MACROD2: variants seen among roughly 807,000 people sequenced by gnomAD.
The protein encoded by MACROD2 is ADP-ribose glycohydrolase MACROD2.
MACROD2 carries 36 observed loss-of-function variants against 70.4 expected under a neutral mutation model. The observed-to-expected ratio is 0.51, with a 90% CI of 0.39 to 0.68. The LOEUF (loss-of-function observed/expected upper bound fraction) is 0.68, where lower values mean the gene tolerates loss of function less well. MACROD2 is among the 30% of genes least tolerant of loss of function. MACROD2 has a pLI of 0.00. For synonymous variants in MACROD2, 172 were observed against 178.8 expected (o/e 0.96, Z 0.30); for missense variants, 496 against 538.4 (o/e 0.92, Z 0.78).
intron 5 of MACROD2, among the ~76,000 whole-genome samples, chr20:15,180,379 A>T (rs2145901335): frequency 6.6e-6 from 1 of 152,388 alleles, no homozygotes. Context: ...CAAGCTAATT[A>T]TGGTGCCTGT....
At chr20:14,996,173 C>T (rs968947936) in intron 5 of MACROD2, among the ~76,000 whole-genome samples, 2 of 152,158 alleles carry the variant, frequency 1.3e-5, no homozygotes, top group Non-Finnish European at 2.9e-5. Context: ...ACTTGTACTA[C>T]TAAATATCAA....
intron 5 of MACROD2, among the ~76,000 whole-genome samples, chr20:14,917,227 C>T (rs545163899): frequency 6.6e-5 from 10 of 150,506 alleles, no homozygotes; most frequent in African/African-American, 1.2e-4. Flanking sequence ...CCCCTCCCAG[C>T]GGAGGCCTGA....
intron 6 of MACROD2, among the ~76,000 whole-genome samples, chr20:15,353,625 A>G (rs2078253126): frequency 6.6e-6 from 1 of 151,816 alleles, no homozygotes; most frequent in Non-Finnish European, 1.5e-5. Flanking sequence ...GCTAATATCC[A>G]GAATCTACAA....
chr20:15,124,003 CTTAGA>C lies in MACROD2; in HGVS notation c.419-105935_419-105931del, dbSNP rs1357910368. ...TGAAACGTAAAAAAAAGATTTGTAACTTAGATATTTCCATGACTATATTCATTCTA... is the reference window on the plus strand; with the variant it reads ...TGAAACGTAAAAAAAAGATTTGTAACTATTTCCATGACTATATTCATTCTA... On this transcript the variant is annotated intron_variant, in intron 5 of 17. Coordinates refer to ENST00000684519, the MANE Select transcript of MACROD2 (RefSeq NM_001351661.2). Among the ~76,000 whole-genome samples, 5 of 152,232 alleles carry C rather than the reference CTTAGA, an allele frequency of 3.3e-5. No individual in the cohort carries two copies. In the South Asian group the frequency reaches 1.0e-3, roughly 32 times the overall value.
At chr20:15,458,102 TA>T (rs2046754377) in intron 7 of MACROD2, among the ~76,000 whole-genome samples, 1 of 152,174 alleles carries the variant, frequency 6.6e-6, no homozygotes, top group Non-Finnish European at 1.5e-5. Flanking sequence ...TTTCCCCCAG[TA>T]AAAGGAACTT....
Position 14,217,063 on chromosome 20 carries a change from G to C in MACROD2, c.271+131335G>C, listed in dbSNP as rs181366822. Reference sequence around the variant, plus strand: ...ACTATGTTGAAGAGGAGTGGTGAGAGTGGGCATCCTTGTGTTGTTCCAGTT... The same window carrying C: ...ACTATGTTGAAGAGGAGTGGTGAGACTGGGCATCCTTGTGTTGTTCCAGTT... On this transcript the variant is annotated intron_variant, in intron 3 of 17. Transcript: ENST00000684519. Among the ~76,000 whole-genome samples, 12 of 152,262 alleles carry C rather than the reference G, an allele frequency of 7.9e-5. No individual in the cohort carries two copies. In the East Asian group the frequency reaches 2.3e-3, roughly 29 times the overall value.
At chr20:14,267,248 C>T (rs191122296) in intron 3 of MACROD2, among the ~76,000 whole-genome samples, 17 of 152,024 alleles carry the variant, frequency 1.1e-4, no homozygotes, top group Admixed American at 2.0e-4. Context: ...ATTCATATCC[C>T]AAAAGTCACT....
intron 6 of MACROD2, among the ~76,000 whole-genome samples, chr20:15,404,012 A>G (rs1568781282): frequency 6.6e-6 from 1 of 152,182 alleles, no homozygotes; most frequent in Non-Finnish European, 1.5e-5. Context: ...TCAAATAGGC[A>G]TGTCTTATAT....
intron 3 of MACROD2, among the ~76,000 whole-genome samples, chr20:14,367,310 C>T (rs1258811837): frequency 6.6e-6 from 1 of 152,140 alleles, no homozygotes; most frequent in African/African-American, 2.4e-5. Context: ...AGAAGAGATA[C>T]AAACAAAAAT....
chr20:14,105,380 C>T (rs984278381), intron 3 of MACROD2, among the ~76,000 whole-genome samples: 7 of 152,192 alleles, frequency 4.6e-5, no homozygotes, highest in Admixed American at 6.5e-5. Context: ...GTAAACTCAG[C>T]GCTGCCTTGT....
intron 6 of MACROD2, among the ~76,000 whole-genome samples, chr20:15,241,299 GC>G (rs2077057568): frequency 6.6e-6 from 1 of 152,096 alleles, no homozygotes; most frequent in Non-Finnish European, 1.5e-5. Context: ...AGATATAGCT[GC>G]CCTTGTGGAG....
At chr20:14,950,240 G>A (rs577797833) in intron 5 of MACROD2, among the ~76,000 whole-genome samples, 59 of 152,204 alleles carry the variant, frequency 3.9e-4, no homozygotes, top group Non-Finnish European at 7.9e-4. Context: ...CTACTAGAAT[G>A]GTTCATCCTG....
intron 8 of MACROD2, among the ~76,000 whole-genome samples, chr20:15,721,111 T>C (rs578178182): frequency 7.9e-5 from 12 of 152,252 alleles, no homozygotes; most frequent in Middle Eastern, 3.4e-3. Flanking sequence ...AACCTACACA[T>C]GGGTGGGCAG....
At chr20:15,769,948 T>C (rs539061116) in intron 8 of MACROD2, among the ~76,000 whole-genome samples, 13 of 152,128 alleles carry the variant, frequency 8.5e-5, no homozygotes, top group Admixed American at 3.9e-4. Context: ...CTTAAACTAT[T>C]AAAGTTCCCA....
chr20:15,983,528 C>T (rs557897427), intron 13 of MACROD2, among the ~76,000 whole-genome samples: 1 of 152,140 alleles, frequency 6.6e-6, no homozygotes, highest in Non-Finnish European at 1.5e-5. Context: ...TAAGTCTCCT[C>T]CTTGCTGTGA....
intron 4 of MACROD2, among the ~76,000 whole-genome samples, chr20:14,590,231 G>A (rs543701778): frequency 6.6e-6 from 1 of 152,126 alleles, no homozygotes; most frequent in African/African-American, 2.4e-5. Context: ...ATATGAACTG[G>A]GACCATCTAG....
intron 5 of MACROD2, among the ~76,000 whole-genome samples, chr20:15,091,726 T>C (rs2075794438): frequency 6.6e-6 from 1 of 152,132 alleles, no homozygotes; most frequent in African/African-American, 2.4e-5. Flanking sequence ...ATGAAAAAGC[T>C]TCTGAAACAC....
chr20:15,300,099 G>A (rs1046210874), intron 6 of MACROD2, among the ~76,000 whole-genome samples: 9 of 151,958 alleles, frequency 5.9e-5, no homozygotes, highest in Admixed American at 2.0e-4. Flanking sequence ...AACTTGATAC[G>A]TAGGTACAGC....
chr20:14,682,523 ATGT>A (rs2070945960), intron 4 of MACROD2, among the ~76,000 whole-genome samples: 2 of 151,996 alleles, frequency 1.3e-5, no homozygotes, highest in African/African-American at 4.8e-5. Context: ...TGTGTATATA[ATGT>A]TGTAAACAAA....
Sources: gnomAD v4.1 joint callset for allele counts (sites outside exome capture counted in the v4.1 genomes callset) on GRCh38, gnomAD v4.1.1 for gene constraint, MANE v1.5 for transcripts, NCBI Gene and HGNC (gene_info 2026-07-23, HGNC 2026-07-21) for gene names.